The following RBMS1 variants were observed in gnomAD, a reference collection of about 807,000 sequenced individuals.
The protein encoded by RBMS1 is RNA-binding motif, single-stranded-interacting protein 1.
A neutral mutation model predicts 62.3 loss-of-function variants in RBMS1; 17 were observed. That is an observed-to-expected ratio of 0.27 (90% CI 0.19 to 0.41). The LOEUF is 0.41. Among genes scored for constraint, RBMS1 ranks in the 10% least tolerant of loss-of-function variants. RBMS1 has a pLI of 1.00. For synonymous variants in RBMS1, 172 were observed against 170.0 expected, an observed-to-expected ratio of 1.01 and a Z score of -0.09; for missense variants, 334 against 504.5, an observed-to-expected ratio of 0.66 and a Z score of 3.24.
intron 1 of RBMS1, among the ~76,000 whole-genome samples, chr2:160,433,077 G>A (rs572928201): frequency 6.6e-6 from 1 of 151,554 alleles, no homozygotes; most frequent in Non-Finnish European, 1.5e-5. Flanking sequence ...TCTCCGGGAT[G>A]AGCACCTACT....
rs1200874502 is a variant in RBMS1, at chr2:160,493,458, AGCG to A, written c.-98_-96del. The A allele has an allele frequency of 1.1e-3, 1,298 of 1,207,000 alleles. No individual in the cohort carries two copies. Among genetic ancestry groups the A allele is most frequent in the East Asian group, 1.8e-3 (70 of 39,816 alleles). 74.8% of individuals were successfully genotyped at this position (1,207,000 alleles called of 1,614,324 possible). A position where few individuals can be genotyped will look rare whatever the true frequency, so the allele number is the denominator to read the frequency against. ...CCTCTCCCTTTCCGGCGGCGGCGGC[AGCG>A]GCGGCGGCGGCGGCGGCTGCTGCTG... On this transcript the variant is annotated 5_prime_UTR_variant, in exon 1 of 14. Coordinates refer to ENST00000348849, the MANE Select transcript of RBMS1 (RefSeq NM_016836.4).
At chr2:160,394,414 A>G (rs985493661) in intron 1 of RBMS1, among the ~76,000 whole-genome samples, 3 of 152,238 alleles carry the variant, frequency 2.0e-5, no homozygotes, top group African/African-American at 7.2e-5. Context: ...TTCTACCCAC[A>G]GCCAATTATA....
intron 7 of RBMS1, among the ~76,000 whole-genome samples, chr2:160,286,257 A>C (rs1291232719): frequency 1.4e-5 from 2 of 144,736 alleles, no homozygotes; most frequent in African/African-American, 5.1e-5. Flanking sequence ...CTATAACCAC[A>C]CCACTGGACT....
At chr2:160,408,125 C>T (rs796291105) in intron 1 of RBMS1, among the ~76,000 whole-genome samples, 6 of 151,896 alleles carry the variant, frequency 4.0e-5, no homozygotes, top group African/African-American at 1.4e-4. Flanking sequence ...GGTCTGGCTC[C>T]CCGCATGCCG....
intron 1 of RBMS1, among the ~76,000 whole-genome samples, chr2:160,449,136 G>A (rs886545411): frequency 2.6e-5 from 4 of 151,604 alleles, no homozygotes; most frequent in Non-Finnish European, 5.9e-5. Context: ...CCCTCCGCCC[G>A]GCAGCCGCCC....
intron 1 of RBMS1, among the ~76,000 whole-genome samples, chr2:160,409,650 T>C (rs913459471): frequency 9.2e-5 from 14 of 152,184 alleles, no homozygotes; most frequent in Admixed American, 8.5e-4. Flanking sequence ...TGTGCATCTA[T>C]GGAAAAAATT....
At chr2:160,308,194 G>A (rs896341140) in intron 4 of RBMS1, among the ~76,000 whole-genome samples, 1 of 152,090 alleles carries the variant, frequency 6.6e-6, no homozygotes, top group East Asian at 1.9e-4. Flanking sequence ...ACGAGTGCGA[G>A]ACCAGCCTGG....
chr2:160,475,688 T>G (rs1306311424), intron 1 of RBMS1, among the ~76,000 whole-genome samples: 2 of 152,258 alleles, frequency 1.3e-5, no homozygotes, highest in South Asian at 4.1e-4. Flanking sequence ...CACATATTCT[T>G]GTCAGACACA....
chr2:160,409,912 T>C (rs551514673), intron 1 of RBMS1, among the ~76,000 whole-genome samples: 1 of 152,080 alleles, frequency 6.6e-6, no homozygotes, highest in Non-Finnish European at 1.5e-5. Flanking sequence ...TACTAAGATA[T>C]ACTAAGAATA....
chr2:160,491,004 G>A (rs1685799630), intron 1 of RBMS1, among the ~76,000 whole-genome samples: 3 of 151,830 alleles, frequency 2.0e-5, no homozygotes, highest in Admixed American at 2.0e-4. Flanking sequence ...TAACTCTTTA[G>A]GTAGATTAGG....
intron 6 of RBMS1, among the ~76,000 whole-genome samples, chr2:160,291,010 GTCTT>G (rs571114463): frequency 2.4e-3 from 362 of 152,266 alleles, no homozygotes; most frequent in Admixed American, 3.9e-3. Flanking sequence ...GTGCTCCAAT[GTCTT>G]TCTTTGATAT....
intron 1 of RBMS1, chr2:160,407,344 C>T (rs550870457): frequency 1.0e-6 from 1 of 985,506 alleles, no homozygotes; most frequent in South Asian, 4.7e-5. Context: ...GGCCGCCTTC[C>T]TGGGAAACAA....
At chr2:160,325,639 G>A (rs1343273399) in intron 2 of RBMS1, among the ~76,000 whole-genome samples, 1 of 152,160 alleles carries the variant, frequency 6.6e-6, no homozygotes, top group Non-Finnish European at 1.5e-5. Flanking sequence ...ACAGTGGTTG[G>A]ATAGGGGAAG....
intron 1 of RBMS1, among the ~76,000 whole-genome samples, chr2:160,413,238 C>A (rs1187098740): frequency 1.3e-5 from 2 of 152,044 alleles, no homozygotes; most frequent in African/African-American, 4.8e-5. Context: ...TATAGCCACA[C>A]TGTATAGGTT....
chr2:160,377,921 CTTGT>C (rs1694084514), intron 1 of RBMS1, among the ~76,000 whole-genome samples: 1 of 152,168 alleles, frequency 6.6e-6, no homozygotes, highest in African/African-American at 2.4e-5. Flanking sequence ...AGCACCAGTC[CTTGT>C]TTGTTACGAG....
chr2:160,429,971 A>C (rs1682821073), intron 1 of RBMS1, among the ~76,000 whole-genome samples: 1 of 152,262 alleles, frequency 6.6e-6, no homozygotes, highest in Non-Finnish European at 1.5e-5. Flanking sequence ...CCCTGTAAAG[A>C]AATCTGGGCT....
chr2:160,468,593 T>C (rs554828268), intron 1 of RBMS1, among the ~76,000 whole-genome samples: 4 of 152,362 alleles, frequency 2.6e-5, no homozygotes, highest in African/African-American at 9.6e-5. Flanking sequence ...CTCAAACTAA[T>C]AGTATTATGT....
At chr2:160,378,113 C>CT (rs1694094829) in intron 1 of RBMS1, among the ~76,000 whole-genome samples, 1 of 150,968 alleles carries the variant, frequency 6.6e-6, no homozygotes, top group Non-Finnish European at 1.5e-5. Context: ...ATGTCCAGGT[C>CT]TATGCTAGAT....
At chr2:160,372,362 C>A (rs1693772995) in intron 1 of RBMS1, among the ~76,000 whole-genome samples, 1 of 152,134 alleles carries the variant, frequency 6.6e-6, no homozygotes, top group Admixed American at 6.5e-5. Flanking sequence ...CCACCACGAC[C>A]ACCACCACCA....
Sources: allele counts gnomAD v4.1 joint callset (sites outside exome capture counted in the v4.1 genomes callset), GRCh38; gene constraint gnomAD v4.1.1; transcripts MANE v1.5; gene names NCBI Gene and HGNC (gene_info 2026-07-23, HGNC 2026-07-21).